Variants in BTN3A2 observed in about 807,000 individuals in gnomAD.
BTN3A2 encodes butyrophilin protein.
A neutral mutation model predicts 37.6 loss-of-function variants in BTN3A2; 25 were observed. The observed-to-expected ratio is 0.66, with a 90% confidence interval of 0.48 to 0.93. BTN3A2 has a LOEUF of 0.93. Ranked by LOEUF, BTN3A2 falls within the 40% of genes least tolerant of loss-of-function variation. BTN3A2 has a pLI of 0.00. For synonymous variants in BTN3A2, 122 were observed against 159.4 expected (o/e 0.77, Z 1.77); for missense variants, 266 against 410.9 (o/e 0.65, Z 3.05).
In BTN3A2 at chr6:26,376,741, A is replaced by C; in HGVS notation, c.*979A>C. ...GAAAGCTTCATGTCAGAGAGACACTACTGGGAGGTGGAAGTGGGGGACAGA... is the reference window on the plus strand; with the variant it reads ...GAAAGCTTCATGTCAGAGAGACACTCCTGGGAGGTGGAAGTGGGGGACAGA... On this transcript the variant is annotated 3_prime_UTR_variant, in exon 11 of 11. Transcript: ENST00000377708. 6.3e-7 allele frequency: 1 copy of C among 1,594,876 alleles called. No homozygotes were observed. Among genetic ancestry groups the C allele is most frequent in the East Asian group, 2.2e-5 (1 of 44,760 alleles).
At chr6:26,373,176 G>A (rs933478159) in intron 6 of BTN3A2, 79 bp downstream of exon 6, 2 of 1,603,938 alleles carry the variant, frequency 1.2e-6, no homozygotes, top group African/African-American at 2.7e-5. Flanking sequence ...CCCCTACCCT[G>A]GCACTGCATC....
intron 5 of BTN3A2, 29 bp downstream of exon 5, chr6:26,370,632 T>A: frequency 6.2e-7 from 1 of 1,612,218 alleles, no homozygotes. Flanking sequence ...TCAGGTTTTC[T>A]GAGCTGAGCT....
At chr6:26,370,238 A>C (rs1248149336) in intron 4 of BTN3A2, 84 bp from the exon 5 acceptor site, 1 of 1,488,194 alleles carries the variant, frequency 6.7e-7, no homozygotes, top group Non-Finnish European at 9.2e-7. Flanking sequence ...TGAATTATCA[A>C]ATCTGAGCCT....
At chr6:26,367,150 G>C (rs1759590353) in intron 1 of BTN3A2, among the ~76,000 whole-genome samples, 1 of 152,118 alleles carries the variant, frequency 6.6e-6, no homozygotes, top group Admixed American at 6.5e-5. Context: ...TAATCACTTA[G>C]TATATCTCCA....
At chr6:26,374,535 T>C in intron 9 of BTN3A2, 162 bp downstream of exon 9, 1 of 875,702 alleles carries the variant, frequency 1.1e-6, no homozygotes. Context: ...CTCCTGATCC[T>C]GCACACCCCC....
rs376731414 is a variant in BTN3A2 at position 26,376,137 on chromosome 6, C to T, written c.*375C>T. The T allele has an allele frequency of 8.7e-5, 18 of 207,458 alleles. No homozygotes were observed. Among genetic ancestry groups the T allele is most frequent in the African/African-American group, 3.7e-4 (15 of 40,552 alleles). The allele number at this position is 207,458 out of a possible 1,614,324, so 12.9% of individuals were successfully genotyped here. On this transcript the variant is annotated 3_prime_UTR_variant, in exon 11 of 11. Transcript: ENST00000377708. The stretch of plus-strand genomic sequence containing the variant: ...CTGAGGCAGGAGAATGGCATGAACC[C>T]GGAAGGCAGAGCTTGCAGTGAGCCG...
rs1262339002 is a variant in BTN3A2 at position 26,375,301 on chromosome 6, C to T, written c.*35-496C>T. 8.5e-5 allele frequency: 26 copies of T among 305,718 alleles called. No individual in the cohort carries two copies. In the East Asian group the frequency reaches 1.7e-3, roughly 20 times the overall value. 18.9% of individuals were successfully genotyped at this position (305,718 alleles called of 1,614,324 possible). A position where few individuals can be genotyped will look rare whatever the true frequency, so the allele number is the denominator to read the frequency against. On this transcript the variant is annotated intron_variant, in intron 10 of 10. Coordinates refer to ENST00000377708, the MANE Select transcript of BTN3A2 (RefSeq NM_007047.5). ...GGAAAAGTGCAGTGCCCCCATGGTT[C>T]CCAACAGTGGGGAGCTGTCTCCACC...
In BTN3A2 at chr6:26,377,346, T is replaced by G. The variant is rs1376405153; in HGVS notation, c.*1584T>G. 1.6e-6 allele frequency: 1 copy of G among 623,598 alleles called. No homozygotes were observed. The highest frequency in any genetic ancestry group is 1.8e-5 in the African/African-American group (1 of 54,826). The allele number at this position is 623,598 out of a possible 1,614,324, so 38.6% of individuals were successfully genotyped here. On this transcript the variant is annotated 3_prime_UTR_variant, in exon 11 of 11. Transcript: ENST00000377708. Reference sequence around the variant, plus strand: ...TATTCCATAGGACAGTTGTTTGAGTTTGGTGCCACCTTATTGGCCCCTTTA... The same window carrying G: ...TATTCCATAGGACAGTTGTTTGAGTGTGGTGCCACCTTATTGGCCCCTTTA...
chr6:26,375,637 A>T, intron 10 of BTN3A2, 160 bp from the exon 11 acceptor site: 1 of 1,498,578 alleles, frequency 6.7e-7, no homozygotes, highest in Non-Finnish European at 8.9e-7. Context: ...TGGAGAGTGA[A>T]TCTAGGGCAT....
In BTN3A2 at chr6:26,368,698, G is replaced by A. The variant is rs149839807; in HGVS notation, c.219G>A (p.Arg73=). The change falls in exon 4 of 11, where the codon AGG becomes AGA. Residue 73 remains arginine (R), a synonymous_variant. Coordinates refer to ENST00000377708, the MANE Select transcript of BTN3A2 (RefSeq NM_007047.5). ...TGAAGTGGGTAAGTTCCAGCCTAAGGCAGGTGGTGAACGTGTATGCAGATG... is the reference window on the plus strand; with the variant it reads ...TGAAGTGGGTAAGTTCCAGCCTAAGACAGGTGGTGAACGTGTATGCAGATG... ...MELKWVSSSL[R]QVVNVYADGK... 49 of 1,613,912 alleles carry A rather than the reference G, an allele frequency of 3.0e-5. No individual in the cohort carries two copies. The highest frequency in any genetic ancestry group is 3.8e-5 in the Non-Finnish European group (45 of 1,179,874).
At chr6:26,366,198 C>T (rs1326130397) in intron 1 of BTN3A2, among the ~76,000 whole-genome samples, 2 of 147,690 alleles carry the variant, frequency 1.4e-5, no homozygotes, top group East Asian at 3.9e-4. Flanking sequence ...AATAAAAAAC[C>T]CGAATTATTT....
At position 26,370,432 on chromosome 6, in the gene BTN3A2, G is replaced by A. The variant is rs12205731; in HGVS notation, c.544G>A (p.Ala182Thr). 126,627 of 1,614,110 alleles carry A rather than the reference G, an allele frequency of 0.078. 5,967 individuals are homozygous for A. Among genetic ancestry groups the A allele is most frequent in the East Asian group, 0.11 (4,872 of 44,880 alleles). Reference protein sequence around the residue: ...YPQPQIQWSNAKGENIPAVEA... With the variant: ...YPQPQIQWSNTKGENIPAVEA... ...CCAACCCCAAATACAGTGGAGCAAC[G>A]CCAAGGGAGAGAACATCCCAGCTGT... The change falls in exon 5 of 11, where the codon GCC (alanine) becomes ACC (threonine). Residue 182 changes from alanine to threonine, a missense_variant. This residue lies in a region of BTN3A2 where 204 missense variants were observed against 232.6 expected (regional missense o/e 0.88). Coordinates refer to ENST00000377708, the MANE Select transcript of BTN3A2 (RefSeq NM_007047.5).
At chr6:26,374,698 A>T in intron 9 of BTN3A2, 73 bp from the exon 10 acceptor site, 1 of 1,406,188 alleles carries the variant, frequency 7.1e-7, no homozygotes, top group Non-Finnish European at 9.9e-7. Context: ...GAAAACATGT[A>T]GTGAGAGGAG....
chr6:26,372,782 T>C, intron 5 of BTN3A2, 115 bp from the exon 6 acceptor site: 1 of 1,244,484 alleles, frequency 8.0e-7, no homozygotes, highest in Non-Finnish European at 1.1e-6. Flanking sequence ...TTATTTAACC[T>C]CATGAGATAG....
chr6:26,372,088 G>C (rs1760174089), intron 5 of BTN3A2, among the ~76,000 whole-genome samples: 1 of 152,058 alleles, frequency 6.6e-6, no homozygotes, highest in South Asian at 2.1e-4. Context: ...GTTTGTAAAA[G>C]GAAAAAGAAG....
At chr6:26,375,399 T>G in intron 10 of BTN3A2, 1 of 427,392 alleles carries the variant, frequency 2.3e-6, no homozygotes, top group Non-Finnish European at 4.3e-6. Context: ...ACGAGGGAGC[T>G]TCCTGAGAAG....
chr6:26,375,451 A>G, intron 10 of BTN3A2: 5 of 548,520 alleles, frequency 9.1e-6, no homozygotes, highest in Non-Finnish European at 1.3e-5. Context: ...TGCTGCTGGC[A>G]GGGAGGAAGC....
At chr6:26,375,679 C>T in intron 10 of BTN3A2, 118 bp from the exon 11 acceptor site, 4 of 1,519,072 alleles carry the variant, frequency 2.6e-6, no homozygotes, top group Non-Finnish European at 2.7e-6. Flanking sequence ...AGCACAGAGA[C>T]GGCCTTGCAG....
chr6:26,377,472 T>G lies in BTN3A2; in HGVS notation c.*1710T>G, dbSNP rs569521978. On this transcript the variant is annotated 3_prime_UTR_variant, in exon 11 of 11. Transcript: ENST00000377708. Reference sequence around the variant, plus strand: ...GGGATCTGAACAACAATGACTAACATTAATGGAGAATTTAAAACGTTCTGA... The same window carrying G: ...GGGATCTGAACAACAATGACTAACAGTAATGGAGAATTTAAAACGTTCTGA... 2.7e-4 allele frequency: 108 copies of G among 396,928 alleles called. 1 individual carries two copies. The highest frequency in any genetic ancestry group is 2.1e-3 in the African/African-American group (100 of 48,652). 24.6% of individuals were successfully genotyped at this position (396,928 alleles called of 1,614,324 possible).
Sources: allele counts gnomAD v4.1 joint callset (sites outside exome capture counted in the v4.1 genomes callset), GRCh38; gene constraint gnomAD v4.1.1; regional missense constraint gnomAD v4.1.1; transcripts MANE v1.5; gene names NCBI Gene and HGNC (gene_info 2026-07-23, HGNC 2026-07-21).